Variants in PIK3C2G observed in about 807,000 individuals in gnomAD.
The protein encoded by PIK3C2G is phosphatidylinositol-4-phosphate 3-kinase catalytic subunit type 2 gamma.
Under a neutral mutation model 181.1 loss-of-function variants are expected in PIK3C2G, and 168 were observed. That is an observed-to-expected ratio of 0.93 (90% CI 0.82 to 1.05). The LOEUF is 1.05. PIK3C2G is among the 50% of genes least tolerant of loss of function. PIK3C2G has a pLI of 0.00. For missense variants in PIK3C2G, 1,869 were observed against 1,732.8 expected, an observed-to-expected ratio of 1.08 and a Z score of -1.40; for synonymous variants, 573 against 592.2, an observed-to-expected ratio of 0.97 and a Z score of 0.47.
At chr12:18,337,634 G>A (rs1239401100) in intron 8 of PIK3C2G, among the ~76,000 whole-genome samples, 2 of 151,992 alleles carry the variant, frequency 1.3e-5, no homozygotes, top group African/African-American at 2.4e-5. Flanking sequence ...AGAGGGAGGC[G>A]GGATGTGCTG....
intron 18 of PIK3C2G, among the ~76,000 whole-genome samples, chr12:18,436,971 C>A (rs1356826487): frequency 6.6e-6 from 1 of 151,908 alleles, no homozygotes; most frequent in Non-Finnish European, 1.5e-5. Flanking sequence ...TGTTAAGCAA[C>A]CACTTACCAT....
intron 5 of PIK3C2G, among the ~76,000 whole-genome samples, chr12:18,309,582 GAGGGCTTTTC>G (rs1216185192): frequency 1.3e-5 from 2 of 151,732 alleles, no homozygotes; most frequent in Non-Finnish European, 3.0e-5. Flanking sequence ...GCAAGTACAA[GAGGGCTTTTC>G]CTGAAGACAA....
At chr12:18,607,852 A>G (rs1463059551) in intron 30 of PIK3C2G, among the ~76,000 whole-genome samples, 2 of 152,210 alleles carry the variant, frequency 1.3e-5, no homozygotes, top group African/African-American at 4.8e-5. Context: ...CAAATTTACA[A>G]GAAAAAAACA....
At chr12:18,517,523 A>C (rs1421419135) in intron 24 of PIK3C2G, among the ~76,000 whole-genome samples, 1 of 151,902 alleles carries the variant, frequency 6.6e-6, no homozygotes, top group Admixed American at 6.6e-5. Context: ...TCATGATTTG[A>C]GTCTCTGTTT....
intron 16 of PIK3C2G, among the ~76,000 whole-genome samples, chr12:18,411,170 A>G (rs898682234): frequency 3.9e-5 from 6 of 152,180 alleles, no homozygotes; most frequent in African/African-American, 1.4e-4. Flanking sequence ...ATGCAATAAA[A>G]TAAATAATAT....
chr12:18,486,518 C>T (rs1479210046), intron 18 of PIK3C2G, among the ~76,000 whole-genome samples: 1 of 152,046 alleles, frequency 6.6e-6, no homozygotes, highest in Non-Finnish European at 1.5e-5. Context: ...ATAACCCCAA[C>T]CCTAAAATAT....
intron 18 of PIK3C2G, among the ~76,000 whole-genome samples, chr12:18,475,987 A>G (rs1397469259): frequency 1.3e-5 from 2 of 152,156 alleles, no homozygotes; most frequent in Admixed American, 1.3e-4. Context: ...GAAACTGTTG[A>G]ACCACAAGGG....
At chr12:18,577,519 T>C (rs1020556600) in intron 29 of PIK3C2G, among the ~76,000 whole-genome samples, 2 of 152,100 alleles carry the variant, frequency 1.3e-5, no homozygotes, top group Non-Finnish European at 2.9e-5. Flanking sequence ...TTGAATTGAA[T>C]TAAAATCTAA....
intron 26 of PIK3C2G, among the ~76,000 whole-genome samples, chr12:18,562,006 A>ATTTC: frequency 6.6e-6 from 1 of 152,334 alleles, no homozygotes; most frequent in African/African-American, 2.4e-5. Flanking sequence ...TAGGGTAGAA[A>ATTTC]GTATGGGAAT....
intron 30 of PIK3C2G, chr12:18,607,117 A>T: frequency 1.9e-6 from 1 of 512,992 alleles, no homozygotes; most frequent in Non-Finnish European, 3.9e-6. Flanking sequence ...GGGCTGTGCT[A>T]GGAGAGTTCA....
chr12:18,593,949 A>T (rs927514424), intron 29 of PIK3C2G, among the ~76,000 whole-genome samples: 1 of 151,892 alleles, frequency 6.6e-6, no homozygotes, highest in South Asian at 2.1e-4. Flanking sequence ...GAGAAAACAG[A>T]TTATATTACT....
At chr12:18,435,223 CTTTA>C (rs1437956249) in intron 18 of PIK3C2G, among the ~76,000 whole-genome samples, 2 of 152,092 alleles carry the variant, frequency 1.3e-5, no homozygotes, top group Non-Finnish European at 2.9e-5. Flanking sequence ...ACCCAATAAT[CTTTA>C]TTTACTTATT....
At chr12:18,650,341 ATATATATG>A (rs1950381260), downstream of PIK3C2G, among the ~76,000 whole-genome samples, 1 of 133,246 alleles carries the variant, frequency 7.5e-6, no homozygotes, top group East Asian at 2.1e-4. Context: ...CTATATATAT[ATATATATG>A]TGTGTGTGTG....
At chr12:18,678,575 T>C in the PIK3C2G span, among the ~76,000 whole-genome samples, 1 of 152,084 alleles carries the variant, frequency 6.6e-6, no homozygotes, top group Non-Finnish European at 1.5e-5. Flanking sequence ...TTGCATTTTT[T>C]GTTCTTTTGA....
chr12:18,574,805 C>T (rs570255822), intron 29 of PIK3C2G, among the ~76,000 whole-genome samples: 1 of 152,264 alleles, frequency 6.6e-6, no homozygotes, highest in South Asian at 2.1e-4. Context: ...AGTTCAACAA[C>T]ATTTCTTTTC....
At chr12:18,421,132 T>C (rs1592217007) in intron 17 of PIK3C2G, 98 bp downstream of exon 17, 1 of 596,472 alleles carries the variant, frequency 1.7e-6, no homozygotes, top group Non-Finnish European at 2.9e-6. Flanking sequence ...GAAGTGACAT[T>C]GCAATTTGGC....
intron 19 of PIK3C2G, among the ~76,000 whole-genome samples, chr12:18,489,120 C>T (rs1940327322): frequency 6.6e-6 from 1 of 151,992 alleles, no homozygotes; most frequent in African/African-American, 2.4e-5. Flanking sequence ...GCCTCTTTCT[C>T]AGTGTTTATA....
intron 5 of PIK3C2G, among the ~76,000 whole-genome samples, chr12:18,306,870 T>C (rs1226449666): frequency 5.3e-5 from 8 of 151,866 alleles, no homozygotes; most frequent in Non-Finnish European, 1.2e-4. Context: ...AAATCGTTTA[T>C]TTTCTATACA....
At chr12:18,601,346 T>C (rs1008807887) in intron 30 of PIK3C2G, among the ~76,000 whole-genome samples, 2 of 151,856 alleles carry the variant, frequency 1.3e-5, no homozygotes, top group Non-Finnish European at 2.9e-5. Context: ...GACATTATGT[T>C]AAGTGAAATA....
Sources: gnomAD v4.1 joint callset for allele counts (sites outside exome capture counted in the v4.1 genomes callset) on GRCh38, gnomAD v4.1.1 for gene constraint, MANE v1.5 for transcripts, NCBI Gene and HGNC (gene_info 2026-07-23, HGNC 2026-07-21) for gene names.